The following NOL4 variants were observed in gnomAD, a reference collection of about 807,000 sequenced individuals.
The protein encoded by NOL4 is cancer/testis antigen 125.
A neutral mutation model predicts 75.9 loss-of-function variants in NOL4; 17 were observed. The ratio of observed to expected loss-of-function variants is 0.22; its 90% CI spans 0.15 to 0.34. The LOEUF (loss-of-function observed/expected upper bound fraction) is 0.34. Ranked by LOEUF, NOL4 falls within the 10% of genes least tolerant of loss-of-function variation. NOL4 has a pLI of 1.00. For synonymous variants in NOL4, 292 were observed against 289.9 expected, an observed-to-expected ratio of 1.01 and a Z score of -0.07; for missense variants, 614 against 793.5, an observed-to-expected ratio of 0.77 and a Z score of 2.72.
At chr18:33,953,874 A>G (rs1453578294) in intron 8 of NOL4, among the ~76,000 whole-genome samples, 3 of 152,206 alleles carry the variant, frequency 2.0e-5, no homozygotes, top group Admixed American at 2.0e-4. Flanking sequence ...TACGTGGCTA[A>G]ACACGGAACT....
chr18:34,058,220 G>A (rs912422041), intron 5 of NOL4, among the ~76,000 whole-genome samples: 12 of 151,966 alleles, frequency 7.9e-5, no homozygotes, highest in Admixed American at 1.3e-4. Context: ...TGCAAGCTCC[G>A]CCTCCCGGGT....
intron 1 of NOL4, chr18:34,222,423 G>A: frequency 7.2e-6 from 8 of 1,118,786 alleles, no homozygotes; most frequent in Non-Finnish European, 8.7e-6. Context: ...GAGTGATCGA[G>A]GCATTCGGGC....
At chr18:34,023,990 A>G (rs1477675446) in intron 5 of NOL4, among the ~76,000 whole-genome samples, 1 of 151,542 alleles carries the variant, frequency 6.6e-6, no homozygotes, top group Non-Finnish European at 1.5e-5. Flanking sequence ...CATATTCAAC[A>G]ATTAGCTCTC....
intron 5 of NOL4, among the ~76,000 whole-genome samples, chr18:34,074,967 C>T (rs1473284607): frequency 6.6e-6 from 1 of 152,086 alleles, no homozygotes; most frequent in Non-Finnish European, 1.5e-5. Context: ...ATGTCTGGCT[C>T]ATAGTAAGTA....
intron 6 of NOL4, among the ~76,000 whole-genome samples, chr18:34,003,725 A>G (rs1481535944): frequency 6.6e-6 from 1 of 152,036 alleles, no homozygotes; most frequent in Non-Finnish European, 1.5e-5. Context: ...TTCTTCAGCA[A>G]GACTGTTTGG....
intron 1 of NOL4, among the ~76,000 whole-genome samples, chr18:34,179,897 T>C (rs930492214): frequency 3.3e-5 from 5 of 151,534 alleles, no homozygotes; most frequent in African/African-American, 1.2e-4. Context: ...ACTCAGTTTA[T>C]GGTATTTTGT....
At chr18:33,987,818 A>G (rs2072582263) in intron 6 of NOL4, among the ~76,000 whole-genome samples, 1 of 152,006 alleles carries the variant, frequency 6.6e-6, no homozygotes. Flanking sequence ...AGCAGTAGGT[A>G]GGCACCAGTG....
At chr18:33,934,712 T>C in intron 9 of NOL4, among the ~76,000 whole-genome samples, 1 of 152,158 alleles carries the variant, frequency 6.6e-6, no homozygotes, top group Non-Finnish European at 1.5e-5. Flanking sequence ...CTTCATAGAA[T>C]TGAAGAGAGT....
intron 1 of NOL4, among the ~76,000 whole-genome samples, chr18:34,154,150 A>C (rs974055619): frequency 3.3e-5 from 5 of 152,086 alleles, no homozygotes; most frequent in African/African-American, 9.7e-5. Context: ...CAAAGATGTA[A>C]GAGGAAACAG....
chr18:33,910,616 C>G (rs1477502526), intron 9 of NOL4, among the ~76,000 whole-genome samples: 2 of 151,914 alleles, frequency 1.3e-5, no homozygotes, highest in African/African-American at 4.8e-5. Flanking sequence ...ATTAGATACT[C>G]TTCAATTATT....
intron 1 of NOL4, among the ~76,000 whole-genome samples, chr18:34,157,644 C>T (rs1222288926): frequency 6.6e-6 from 1 of 150,718 alleles, no homozygotes; most frequent in African/African-American, 2.4e-5. Flanking sequence ...GATCAAAATA[C>T]AGTATCAAAA....
At chr18:33,867,132 G>T (rs149924384) in intron 10 of NOL4, among the ~76,000 whole-genome samples, 1 of 152,104 alleles carries the variant, frequency 6.6e-6, no homozygotes, top group Non-Finnish European at 1.5e-5. Context: ...TGTAAATACC[G>T]TAGGGGGTTA....
chr18:33,946,805 C>G (rs1000520831), intron 8 of NOL4, among the ~76,000 whole-genome samples: 1 of 151,592 alleles, frequency 6.6e-6, no homozygotes, highest in Non-Finnish European at 1.5e-5. Context: ...CTAAGTTATG[C>G]CACAAATTCT....
intron 10 of NOL4, among the ~76,000 whole-genome samples, chr18:33,858,260 A>G (rs935486978): frequency 6.6e-6 from 1 of 151,958 alleles, no homozygotes; most frequent in African/African-American, 2.4e-5. Context: ...AAATGAAGTG[A>G]TTTTCCCTGG....
chr18:34,097,773 T>A (rs1381186913), intron 4 of NOL4, among the ~76,000 whole-genome samples: 4 of 152,162 alleles, frequency 2.6e-5, no homozygotes, highest in Non-Finnish European at 5.9e-5. Context: ...AGCAATACAG[T>A]AAACATCTTA....
intron 9 of NOL4, among the ~76,000 whole-genome samples, chr18:33,896,769 T>C (rs1425535237): frequency 6.6e-6 from 1 of 152,096 alleles, no homozygotes; most frequent in Admixed American, 6.6e-5. Flanking sequence ...AATTGACATA[T>C]GGGATCTAAT....
chr18:34,176,440 A>C (rs933834678), intron 1 of NOL4, among the ~76,000 whole-genome samples: 1 of 152,160 alleles, frequency 6.6e-6, no homozygotes, highest in African/African-American at 2.4e-5. Flanking sequence ...ATTAATTTAC[A>C]CATCCAGAAA....
At chr18:33,883,459 C>T (rs759563347) in intron 9 of NOL4, 35 bp from the exon 10 acceptor site, 1 of 1,542,200 alleles carries the variant, frequency 6.5e-7, no homozygotes, top group South Asian at 1.2e-5. Flanking sequence ...TATTTATCAC[C>T]TCACAGTGCT....
intron 9 of NOL4, among the ~76,000 whole-genome samples, chr18:33,906,268 G>A (rs1474329005): frequency 6.6e-6 from 1 of 152,088 alleles, no homozygotes; most frequent in Admixed American, 6.6e-5. Context: ...GACCCATGCT[G>A]GCACCCAGAT....
Sources: gnomAD v4.1 joint callset for allele counts (sites outside exome capture counted in the v4.1 genomes callset) on GRCh38, gnomAD v4.1.1 for gene constraint, MANE v1.5 for transcripts, NCBI Gene and HGNC (gene_info 2026-07-23, HGNC 2026-07-21) for gene names.